Variants in SHISA6 observed in about 807,000 individuals in gnomAD.
SHISA6 encodes shisa family member 6, also known as protein shisa-6.
In SHISA6, 22 loss-of-function variants were observed where a neutral mutation model predicts 47.9. That is an observed-to-expected ratio of 0.46 (90% CI 0.33 to 0.66). SHISA6 has a LOEUF of 0.66. Ranked by LOEUF, SHISA6 falls within the 30% of genes least tolerant of loss-of-function variation. The pLI is 0.02. For missense variants in SHISA6, 680 were observed against 764.6 expected, an observed-to-expected ratio of 0.89 and a Z score of 1.30; for synonymous variants, 388 against 337.8, an observed-to-expected ratio of 1.15 and a Z score of -1.63.
intron 2 of SHISA6, among the ~76,000 whole-genome samples, chr17:11,295,061 A>C (rs2142172540): frequency 6.6e-6 from 1 of 152,352 alleles, no homozygotes; most frequent in African/African-American, 2.4e-5. Context: ...ACAGTGTGAA[A>C]ATACTGGACA....
At chr17:11,266,351 C>G (rs1908423248) in intron 2 of SHISA6, among the ~76,000 whole-genome samples, 1 of 152,182 alleles carries the variant, frequency 6.6e-6, no homozygotes, top group African/African-American at 2.4e-5. Context: ...TCAGCATCAC[C>G]TGAGAGCTTG....
At chr17:11,295,395 T>C (rs967772176) in intron 2 of SHISA6, among the ~76,000 whole-genome samples, 1 of 152,204 alleles carries the variant, frequency 6.6e-6, no homozygotes, top group Non-Finnish European at 1.5e-5. Context: ...CTGAATTCCC[T>C]GCTCTTGGCA....
chr17:11,301,008 GTTTAAAGAGT>G (rs1232992483), intron 2 of SHISA6, among the ~76,000 whole-genome samples: 1 of 152,074 alleles, frequency 6.6e-6, no homozygotes, highest in African/African-American at 2.4e-5. Flanking sequence ...AGGGAAACAC[GTTTAAAGAGT>G]TTTTTTGCAA....
intron 3 of SHISA6, among the ~76,000 whole-genome samples, chr17:11,382,164 C>T (rs1913033498): frequency 6.6e-6 from 1 of 152,126 alleles, no homozygotes; most frequent in Non-Finnish European, 1.5e-5. Flanking sequence ...CCTCGAACTC[C>T]TGGGCTCAAG....
Position 11,374,805 on chromosome 17 carries a change from A to G in SHISA6, c.800-4609A>G, listed in dbSNP as rs899182524. Among the ~76,000 whole-genome samples, 16 of 152,040 alleles carry G rather than the reference A, an allele frequency of 1.1e-4. 1 individual carries two copies. The East Asian group carries it at 2.7e-3, about 26-fold the overall frequency. ...TAAGTAATACTAGTACTACTGTTCTAAATGCTTTGTGTATTCATATTATAT... is the reference window on the plus strand; with the variant it reads ...TAAGTAATACTAGTACTACTGTTCTGAATGCTTTGTGTATTCATATTATAT... On this transcript the variant is annotated intron_variant, in intron 2 of 5. Coordinates refer to ENST00000441885, the MANE Select transcript of SHISA6 (RefSeq NM_207386.4).
intron 2 of SHISA6, among the ~76,000 whole-genome samples, chr17:11,347,577 G>A (rs1223293346): frequency 6.6e-6 from 1 of 152,200 alleles, no homozygotes; most frequent in Non-Finnish European, 1.5e-5. Flanking sequence ...GGAAACGGTG[G>A]CTTAGAAGTA....
Position 11,467,059 on chromosome 17 carries a change from T to C in SHISA6, c.896-84837T>C, listed in dbSNP as rs570240417. On this transcript the variant is annotated intron_variant, in intron 3 of 5. Coordinates refer to ENST00000441885, the MANE Select transcript of SHISA6 (RefSeq NM_207386.4). ...AGCTGTAAAATGACAGGTTTTTCTT[T>C]AACATGGACTATCCCTCTCACTACC... is the stretch of plus-strand genomic sequence containing the variant. 2.0e-5 allele frequency among the ~76,000 whole-genome samples: 3 copies of C among 152,342 alleles called. No individual in the cohort carries two copies. The East Asian group carries it at 5.8e-4, about 29-fold the overall frequency.
intron 1 of SHISA6, among the ~76,000 whole-genome samples, chr17:11,245,642 T>A (rs1233668033): frequency 6.8e-6 from 1 of 148,090 alleles, no homozygotes; most frequent in Non-Finnish European, 1.5e-5. Context: ...AACAGATGGG[T>A]CAGGAAGCTA....
chr17:11,404,265 G>C (rs1308968602), intron 3 of SHISA6, among the ~76,000 whole-genome samples: 5 of 152,112 alleles, frequency 3.3e-5, no homozygotes, highest in Non-Finnish European at 7.4e-5. Flanking sequence ...TCCTGTGCTA[G>C]GCACTGAGAG....
chr17:11,556,125 C>T (rs947459750), intron 5 of SHISA6, among the ~76,000 whole-genome samples: 3 of 152,186 alleles, frequency 2.0e-5, no homozygotes, highest in Admixed American at 2.0e-4. Flanking sequence ...ATTCACATCC[C>T]TATAGGAGAC....
At chr17:11,354,094 C>T (rs1327571940) in intron 2 of SHISA6, among the ~76,000 whole-genome samples, 1 of 152,124 alleles carries the variant, frequency 6.6e-6, no homozygotes, top group Non-Finnish European at 1.5e-5. Flanking sequence ...TCCACCCTAG[C>T]CCCTAGTTGT....
At chr17:11,313,849 G>A (rs1910416005) in intron 2 of SHISA6, among the ~76,000 whole-genome samples, 1 of 151,784 alleles carries the variant, frequency 6.6e-6, no homozygotes, top group Non-Finnish European at 1.5e-5. Context: ...TGAAGACGGA[G>A]AGAGAGAGAG....
At chr17:11,422,275 A>T (rs1016999073) in intron 3 of SHISA6, among the ~76,000 whole-genome samples, 1 of 152,276 alleles carries the variant, frequency 6.6e-6, no homozygotes, top group East Asian at 1.9e-4. Flanking sequence ...CAGTTGTCAC[A>T]TGCCTCCGGA....
At chr17:11,366,725 T>C (rs988022241) in intron 2 of SHISA6, among the ~76,000 whole-genome samples, 1 of 151,770 alleles carries the variant, frequency 6.6e-6, no homozygotes, top group African/African-American at 2.4e-5. Flanking sequence ...TTGCTGATGA[T>C]AGGGAGGAGA....
intron 3 of SHISA6, among the ~76,000 whole-genome samples, chr17:11,537,652 C>T (rs969588881): frequency 6.6e-6 from 1 of 152,164 alleles, no homozygotes; most frequent in African/African-American, 2.4e-5. Flanking sequence ...AAGAAGGAAG[C>T]TCAGATAAGC....
chr17:11,491,457 T>C (rs1916474693), intron 3 of SHISA6, among the ~76,000 whole-genome samples: 1 of 152,078 alleles, frequency 6.6e-6, no homozygotes, highest in Non-Finnish European at 1.5e-5. Context: ...AGTGTCACCA[T>C]GCCAGCTAAC....
At position 11,241,495 on chromosome 17, in the gene SHISA6, G is replaced by T; in HGVS notation, c.73G>T (p.Gly25Ter). 1 of 1,164,098 alleles carries T rather than the reference G, an allele frequency of 8.6e-7. No individual in the cohort carries two copies. The highest frequency in any genetic ancestry group is 1.1e-6 in the Non-Finnish European group (1 of 935,106). 72.1% of individuals were successfully genotyped at this position (1,164,098 alleles called of 1,614,324 possible). ...CCTGGACCTGCTGCCCAGCGTCCACGGAGCCCGCGGCCGCGCCGCCAACCG... is the reference window on the plus strand; with the variant it reads ...CCTGGACCTGCTGCCCAGCGTCCACTGAGCCCGCGGCCGCGCCGCCAACCG... ...ESLDLLPSVH[G>*]ARGRAANRTL... is the part of the protein sequence containing the mutation. Residue 25 changes from glycine to a stop codon, truncating the protein, a stop_gained, in exon 1 of 6, where the codon GGA (glycine) becomes TGA (stop). Coordinates refer to ENST00000441885, the MANE Select transcript of SHISA6 (RefSeq NM_207386.4). LOFTEE classifies it high-confidence loss of function. The surrounding 1 kb of genome is among the most constrained non-coding windows in gnomAD (Gnocchi z 5.5).
rs111431099 is a variant in SHISA6 at position 11,285,955 on chromosome 17, G to C, written c.799+22429G>C. The stretch of plus-strand genomic sequence containing the variant: ...GGGTTCAAGCGATTTTCCTGCCTCA[G>C]CCTCCTGAATAGCTGGGATTACAGG... On this transcript the variant is annotated intron_variant, in intron 2 of 5. Coordinates refer to ENST00000441885, the MANE Select transcript of SHISA6 (RefSeq NM_207386.4). Among the ~76,000 whole-genome samples the C allele has an allele frequency of 7.8e-4, 119 of 151,788 alleles. 1 individual carries two copies. The highest frequency in any genetic ancestry group is 2.6e-3 in the African/African-American group (109 of 41,338).
In SHISA6 at chr17:11,241,746, C is replaced by T. The variant is rs1213927332; in HGVS notation, c.324C>T (p.Phe108=). 5 of 1,545,978 alleles carry T rather than the reference C, an allele frequency of 3.2e-6. No homozygotes were observed. Among genetic ancestry groups the T allele is most frequent in the Non-Finnish European group, 4.4e-6 (5 of 1,146,928 alleles). ...YDVSGQYDKE[F]ECNNSESGYL... Reference sequence around the variant, plus strand: ...TGAGCGGCCAGTACGACAAGGAGTTCGAGTGTAACAACAGCGAGAGCGGCT... The same window carrying T: ...TGAGCGGCCAGTACGACAAGGAGTTTGAGTGTAACAACAGCGAGAGCGGCT... The change falls in exon 1 of 6, where the codon TTC becomes TTT. Residue 108 remains phenylalanine, a synonymous_variant. Transcript: ENST00000441885. The surrounding 1 kb of genome is among the most constrained non-coding windows in gnomAD (Gnocchi z 5.5).
Sources: gnomAD v4.1 joint callset for allele counts (sites outside exome capture counted in the v4.1 genomes callset) on GRCh38, gnomAD v4.1.1 for gene constraint, Gnocchi (gnomAD v3.1) non-coding constraint, MANE v1.5 for transcripts, NCBI Gene and HGNC (gene_info 2026-07-23, HGNC 2026-07-21) for gene names.